Variants in NPFFR1 observed in about 807,000 individuals in gnomAD.
NPFFR1 encodes G-protein coupled receptor 147.
A neutral mutation model predicts 12.7 loss-of-function variants in NPFFR1; 17 were observed. The observed-to-expected ratio is 1.34, with a 90% CI of 0.92 to 2.01. The LOEUF (loss-of-function observed/expected upper bound fraction) is 2.01, where lower values mean the gene tolerates loss of function less well. NPFFR1 is among the 30% of genes most tolerant of loss of function. The pLI, the probability that NPFFR1 is intolerant of heterozygous loss-of-function variation, is 0.00. For missense variants in NPFFR1, 604 were observed against 606.5 expected (o/e 1.00, Z 0.04); for synonymous variants, 296 against 264.5 (o/e 1.12, Z -1.16).
intron 1 of NPFFR1, among the ~76,000 whole-genome samples, chr10:70,268,334 A>T (rs1840716381): frequency 6.6e-6 from 1 of 152,256 alleles, no homozygotes; most frequent in Admixed American, 6.5e-5. Context: ...TTATGTAATT[A>T]TATCATTAAA....
intron 1 of NPFFR1, among the ~76,000 whole-genome samples, chr10:70,279,021 T>C (rs1364423190): frequency 6.6e-6 from 1 of 152,234 alleles, no homozygotes; most frequent in Non-Finnish European, 1.5e-5. Context: ...TAAAAAGCGA[T>C]GGTATAATTT....
At chr10:70,272,148 GGAGA>G (rs10559441) in intron 1 of NPFFR1, among the ~76,000 whole-genome samples, 4 of 134,268 alleles carry the variant, frequency 3.0e-5, no homozygotes, top group South Asian at 2.6e-4. Flanking sequence ...AAAGAGAAAG[GGAGA>G]GAGAGAGAGA....
intron 2 of NPFFR1, among the ~76,000 whole-genome samples, chr10:70,261,068 G>A (rs1281672305): frequency 6.6e-6 from 1 of 152,068 alleles, no homozygotes; most frequent in African/African-American, 2.4e-5. Flanking sequence ...TATGTACATG[G>A]TGATATGGTT....
At position 70,254,535 on chromosome 10, in the gene NPFFR1, T is replaced by C. The variant is rs1840541804; in HGVS notation, c.*422A>G. 1 of 166,816 alleles carries C rather than the reference T, an allele frequency of 6.0e-6. No homozygotes were observed. The highest frequency in any genetic ancestry group is 2.4e-5 in the African/African-American group (1 of 42,118). The allele number at this position is 166,816 out of a possible 1,614,324, so 10.3% of individuals were successfully genotyped here. A position where few individuals can be genotyped will look rare whatever the true frequency, so the allele number is the denominator to read the frequency against. ...TTACTCAGTTCACAGTGTTCTACCTTACCGGGCCCTCTTGGAGCCAGCTGG... is the reference window on the plus strand; with the variant it reads ...TTACTCAGTTCACAGTGTTCTACCTCACCGGGCCCTCTTGGAGCCAGCTGG... On this transcript the variant is annotated 3_prime_UTR_variant, in exon 4 of 4. Transcript: ENST00000277942.
rs1372496992 is a variant in NPFFR1, at chr10:70,266,277, G to C, written c.122C>G (p.Pro41Arg). The stretch of plus-strand genomic sequence containing the variant: ...GGCCACAATGAACATGGCCGCCACA[G>C]GGGAGGTGTGCTGATAGTAGGAGGA... ...TFSSYYQHTS[P>R]VAAMFIVAYA... Residue 41 changes from proline (P) to arginine (R), a missense_variant, in exon 2 of 4, where the codon CCT becomes CGT. Physicochemically the swap from Pro to Arg is moderately radical, Grantham distance 103. Transcript: ENST00000277942. The C allele has an allele frequency of 6.2e-7, 1 of 1,613,954 alleles. No homozygotes were observed. The highest frequency in any genetic ancestry group is 2.2e-5 in the East Asian group (1 of 44,884).
intron 1 of NPFFR1, among the ~76,000 whole-genome samples, chr10:70,267,082 T>C (rs1395407202): frequency 3.3e-5 from 5 of 152,234 alleles, no homozygotes; most frequent in African/African-American, 1.2e-4. Context: ...GAGTGCACCA[T>C]TTGTTTTCTG....
Position 70,255,946 on chromosome 10 carries a change from C to G in NPFFR1, c.423-119G>C. The G allele has an allele frequency of 8.4e-6, 9 of 1,069,976 alleles. No homozygotes were observed. The highest frequency in any genetic ancestry group is 1.2e-5 in the Non-Finnish European group (9 of 751,032). The allele number at this position is 1,069,976 out of a possible 1,614,324, so 66.3% of individuals were successfully genotyped here. On this transcript the variant is annotated intron_variant, in intron 3 of 3. Transcript: ENST00000277942. This position sits in a 1 kb window ranked among gnomAD's most constrained non-coding sequence, Gnocchi z 4.2. ...TCGCATCTAGGGCGGCGTCGAAGAA[C>G]AGCTCAGACCTGAATTGGCTGAGTA...
chr10:70,254,971 C>G lies in NPFFR1; in HGVS notation c.1279G>C (p.Ala427Pro). 7.0e-7 allele frequency: 1 copy of G among 1,435,610 alleles called. No individual in the cohort carries two copies. 88.9% of individuals were successfully genotyped at this position (1,435,610 alleles called of 1,614,324 possible). A position where few individuals can be genotyped will look rare whatever the true frequency, so the allele number is the denominator to read the frequency against. The stretch of plus-strand genomic sequence containing the variant: ...CCTGGACCCCCTCAGATATCCCAGG[C>G]TGGAATGGTGAGGGGCAGGTGGGAG... ...GCSHLPLTIP[A>P]WDI The change falls in exon 4 of 4, where the codon GCC (alanine) becomes CCC (proline). Residue 427 changes from alanine to proline, a missense_variant. Transcript: ENST00000277942.
chr10:70,279,938 T>G (rs899102284), intron 1 of NPFFR1, among the ~76,000 whole-genome samples: 2 of 152,254 alleles, frequency 1.3e-5, no homozygotes, highest in African/African-American at 4.8e-5. Flanking sequence ...TTCTATGAGT[T>G]CTATAGTTTT....
intron 3 of NPFFR1, among the ~76,000 whole-genome samples, chr10:70,259,201 G>A (rs985042898): frequency 6.6e-6 from 1 of 151,772 alleles, no homozygotes; most frequent in African/African-American, 2.4e-5. Context: ...CACGAGAATG[G>A]CTTGAACCCG....
intron 3 of NPFFR1, among the ~76,000 whole-genome samples, chr10:70,260,237 G>A (rs568653164): frequency 6.6e-6 from 1 of 152,138 alleles, no homozygotes; most frequent in South Asian, 2.1e-4. Context: ...ACAGAATAAG[G>A]AGCAGGGAGA....
intron 1 of NPFFR1, among the ~76,000 whole-genome samples, chr10:70,278,566 T>C (rs923147797): frequency 6.6e-6 from 1 of 152,168 alleles, no homozygotes; most frequent in African/African-American, 2.4e-5. Context: ...TTAATTAATG[T>C]CATATCAGGG....
chr10:70,281,081 A>G (rs1840856791), intron 1 of NPFFR1, among the ~76,000 whole-genome samples: 2 of 152,182 alleles, frequency 1.3e-5, no homozygotes, highest in South Asian at 4.1e-4. Context: ...TCACATCCAG[A>G]GATAACCCCT....
chr10:70,283,641 G>A (rs902035783), intron 1 of NPFFR1, 29 bp downstream of exon 1: 14 of 1,533,008 alleles, frequency 9.1e-6, no homozygotes, highest in Admixed American at 2.0e-5. Context: ...CCTGCCCCAC[G>A]GCTGGCCCCC....
intron 1 of NPFFR1, among the ~76,000 whole-genome samples, chr10:70,282,681 GA>G (rs1840875346): frequency 1.3e-5 from 2 of 152,280 alleles, no homozygotes; most frequent in South Asian, 2.1e-4. Context: ...GAAGCCAGCT[GA>G]ATGTTAAGTT....
intron 2 of NPFFR1, among the ~76,000 whole-genome samples, chr10:70,265,277 A>C (rs367704544): frequency 1.7e-4 from 26 of 152,334 alleles, no homozygotes; most frequent in African/African-American, 6.3e-4. Flanking sequence ...TGAGCTCAGA[A>C]TCTGCAGGCT....
Position 70,282,506 on chromosome 10 carries a change from A to G in NPFFR1, c.7+1164T>C, listed in dbSNP as rs190176029. ...TCATACCCTGGCTCATTGGAAAACT[A>G]CAAGTGCAGCCTCACAAGATTTTCT... On this transcript the variant is annotated intron_variant, in intron 1 of 3. Coordinates refer to ENST00000277942, the MANE Select transcript of NPFFR1 (RefSeq NM_022146.5). Among the ~76,000 whole-genome samples, 584 of 152,298 alleles carry G rather than the reference A, an allele frequency of 3.8e-3. 1 individual carries two copies. Among genetic ancestry groups the G allele is most frequent in the Non-Finnish European group, 5.7e-3 (386 of 68,022 alleles).
chr10:70,268,751 G>A (rs116680768), intron 1 of NPFFR1, among the ~76,000 whole-genome samples: 259 of 152,248 alleles, frequency 1.7e-3, no homozygotes, highest in African/African-American at 6.0e-3. Context: ...TCTTAAGTCC[G>A]AGACTCTGGA....
intron 3 of NPFFR1, among the ~76,000 whole-genome samples, chr10:70,257,622 C>A (rs955938557): frequency 6.6e-6 from 1 of 152,180 alleles, no homozygotes; most frequent in African/African-American, 2.4e-5. Context: ...ACCTGACCGT[C>A]CCCCAGCCCA....
Sources: gnomAD v4.1 joint callset for allele counts (sites outside exome capture counted in the v4.1 genomes callset) on GRCh38, gnomAD v4.1.1 for gene constraint, Gnocchi (gnomAD v3.1) non-coding constraint, MANE v1.5 for transcripts, NCBI Gene and HGNC (gene_info 2026-07-23, HGNC 2026-07-21) for gene names.